Variants in RBMS1 observed in about 807,000 individuals in gnomAD.
The protein encoded by RBMS1 is RNA binding motif single stranded interacting protein 1.
A neutral mutation model predicts 62.3 loss-of-function variants in RBMS1; 17 were observed. The observed-to-expected ratio is 0.27, with a 90% CI of 0.19 to 0.41. The LOEUF (loss-of-function observed/expected upper bound fraction) is 0.41, where lower values mean the gene tolerates loss of function less well. Among genes scored for constraint, RBMS1 ranks in the 10% least tolerant of loss-of-function variants. The pLI, the probability that RBMS1 is intolerant of heterozygous loss-of-function variation, is 1.00. For synonymous variants in RBMS1, 172 were observed against 170.0 expected, an observed-to-expected ratio of 1.01 and a Z score of -0.09; for missense variants, 334 against 504.5, an observed-to-expected ratio of 0.66 and a Z score of 3.24.
At chr2:160,428,945 T>C (rs1193565971) in intron 1 of RBMS1, among the ~76,000 whole-genome samples, 1 of 152,222 alleles carries the variant, frequency 6.6e-6, no homozygotes, top group African/African-American at 2.4e-5. Context: ...AAGACAAGCA[T>C]AACACTTTGG....
chr2:160,442,444 GT>G (rs1683448345), intron 1 of RBMS1, among the ~76,000 whole-genome samples: 2 of 152,116 alleles, frequency 1.3e-5, no homozygotes, highest in Non-Finnish European at 2.9e-5. Context: ...AAACACCTTA[GT>G]TTACATGTAA....
intron 1 of RBMS1, among the ~76,000 whole-genome samples, chr2:160,478,060 G>A (rs1236494418): frequency 1.3e-5 from 2 of 152,214 alleles, no homozygotes. Context: ...TACCAAAAAG[G>A]CACTGCATGC....
chr2:160,492,712 C>T (rs924934773), intron 1 of RBMS1, among the ~76,000 whole-genome samples: 1 of 152,240 alleles, frequency 6.6e-6, no homozygotes, highest in African/African-American at 2.4e-5. Context: ...AAGTGCCACA[C>T]CGCACAAAGA....
intron 1 of RBMS1, among the ~76,000 whole-genome samples, chr2:160,452,951 TA>T (rs1459457255): frequency 6.6e-6 from 1 of 152,234 alleles, no homozygotes; most frequent in African/African-American, 2.4e-5. Context: ...CTTAACCTTG[TA>T]ATGCCTTAGT....
intron 1 of RBMS1, 200 bp from the exon 2 acceptor site, chr2:160,367,591 T>A: frequency 6.3e-6 from 6 of 950,172 alleles, no homozygotes; most frequent in Non-Finnish European, 8.7e-6. Context: ...TAGGGTTTAC[T>A]AAGTAAAAGT....
At chr2:160,467,559 C>T (rs1261028061) in intron 1 of RBMS1, among the ~76,000 whole-genome samples, 1 of 152,206 alleles carries the variant, frequency 6.6e-6, no homozygotes, top group African/African-American at 2.4e-5. Context: ...CCACAACCAT[C>T]TTCCATACAA....
In RBMS1 at chr2:160,482,514, A is replaced by G. The variant is rs36027046; in HGVS notation, c.75+10775T>C. ...CCAGGGCCTAATACCATGCCTGGAC[A>G]GTAAGTATTTACTGAATTTAATTAA... is the stretch of plus-strand genomic sequence containing the variant. On this transcript the variant is annotated intron_variant, in intron 1 of 13. Transcript: ENST00000348849. 7.3e-3 allele frequency among the ~76,000 whole-genome samples: 1,108 copies of G among 152,346 alleles called. 4 individuals are homozygous for G. The highest frequency in any genetic ancestry group is 0.011 in the Non-Finnish European group (769 of 68,016).
intron 6 of RBMS1, among the ~76,000 whole-genome samples, chr2:160,289,024 T>C (rs1156240481): frequency 6.6e-6 from 1 of 151,962 alleles, no homozygotes; most frequent in Non-Finnish European, 1.5e-5. Flanking sequence ...CTGCCTAAGC[T>C]CAACATGTGC....
chr2:160,307,200 T>C (rs1689579952), intron 4 of RBMS1, among the ~76,000 whole-genome samples: 1 of 152,072 alleles, frequency 6.6e-6, no homozygotes, highest in Admixed American at 6.5e-5. Flanking sequence ...GAACGGGGAC[T>C]TGGCAGTAAG....
chr2:160,282,551 T>TA (rs1688163566), intron 9 of RBMS1: 2 of 294,988 alleles, frequency 6.8e-6, no homozygotes, highest in South Asian at 6.3e-5. Flanking sequence ...CCCCATTTTT[T>TA]ATATGCTTCA....
At chr2:160,323,336 C>T (rs1365101949) in intron 2 of RBMS1, among the ~76,000 whole-genome samples, 4 of 151,930 alleles carry the variant, frequency 2.6e-5, no homozygotes, top group East Asian at 1.9e-4. Context: ...ATTAGCTGGA[C>T]GTGGTGGTGC....
chr2:160,336,428 G>A (rs1298461820), intron 2 of RBMS1, among the ~76,000 whole-genome samples: 1 of 152,012 alleles, frequency 6.6e-6, no homozygotes, highest in Non-Finnish European at 1.5e-5. Context: ...AGAGGGAACA[G>A]GATATTGTAT....
intron 1 of RBMS1, among the ~76,000 whole-genome samples, chr2:160,457,652 A>G (rs886395960): frequency 7.9e-5 from 12 of 152,260 alleles, no homozygotes; most frequent in Non-Finnish European, 1.5e-5. Context: ...TCATATTGAA[A>G]TGATACCACC....
intron 1 of RBMS1, among the ~76,000 whole-genome samples, chr2:160,380,561 T>C (rs555370762): frequency 6.6e-6 from 1 of 152,346 alleles, no homozygotes; most frequent in South Asian, 2.1e-4. Context: ...AAAATTTATA[T>C]TTCTTTAAAA....
chr2:160,345,134 T>C (rs532510963), intron 2 of RBMS1, among the ~76,000 whole-genome samples: 20 of 152,202 alleles, frequency 1.3e-4, no homozygotes, highest in Admixed American at 7.2e-4. Context: ...TGGAAACTCT[T>C]TTTCTTCCTA....
At chr2:160,368,977 A>G (rs1388271795) in intron 1 of RBMS1, among the ~76,000 whole-genome samples, 1 of 152,114 alleles carries the variant, frequency 6.6e-6, no homozygotes, top group East Asian at 1.9e-4. Context: ...TTCTGGTCCT[A>G]TATCCTTCAG....
chr2:160,288,050 A>T (rs1429437547), intron 6 of RBMS1, among the ~76,000 whole-genome samples: 2 of 151,702 alleles, frequency 1.3e-5, no homozygotes, highest in Non-Finnish European at 2.9e-5. Flanking sequence ...GAGTTAAAAA[A>T]AAAAAAAAGT....
At chr2:160,296,719 T>A (rs1162841034) in intron 6 of RBMS1, among the ~76,000 whole-genome samples, 3 of 152,222 alleles carry the variant, frequency 2.0e-5, no homozygotes, top group African/African-American at 7.2e-5. Flanking sequence ...CCTGTTTTTT[T>A]ATGTTATTTA....
At chr2:160,285,067 T>C in intron 7 of RBMS1, 23 bp from the exon 8 acceptor site, 1 of 1,601,622 alleles carries the variant, frequency 6.2e-7, no homozygotes, top group Non-Finnish European at 8.6e-7. Flanking sequence ...GAAAGAAATA[T>C]AAACATTCAT....
Sources: allele counts gnomAD v4.1 joint callset (sites outside exome capture counted in the v4.1 genomes callset), GRCh38; gene constraint gnomAD v4.1.1; transcripts MANE v1.5; gene names NCBI Gene and HGNC (gene_info 2026-07-23, HGNC 2026-07-21).